Variants in SLC1A3 observed in about 807,000 individuals in gnomAD.
SLC1A3 encodes the protein solute carrier family 1 member 3.
Under a neutral mutation model 48.1 loss-of-function variants are expected in SLC1A3, and 21 were observed. The observed-to-expected ratio is 0.44, with a 90% CI of 0.31 to 0.63. SLC1A3 has a LOEUF of 0.63. Ranked by LOEUF, SLC1A3 falls within the 20% of genes least tolerant of loss-of-function variation. The pLI, the probability that SLC1A3 is intolerant of heterozygous loss-of-function variation, is 0.08. For synonymous variants in SLC1A3, 239 were observed against 251.4 expected (o/e 0.95, Z 0.47); for missense variants, 546 against 689.0 (o/e 0.79, Z 2.32).
chr5:36,610,529 G>A (rs536575833), intron 2 of SLC1A3, among the ~76,000 whole-genome samples: 2 of 152,292 alleles, frequency 1.3e-5, no homozygotes, highest in South Asian at 2.1e-4. Context: ...TTCTAAGACA[G>A]AAATGTTTCC....
chr5:36,678,675 C>T (rs142129072), intron 6 of SLC1A3, among the ~76,000 whole-genome samples: 1 of 152,254 alleles, frequency 6.6e-6, no homozygotes. Flanking sequence ...GTTTGCTGCA[C>T]ATATGAAACA....
At chr5:36,643,183 A>T (rs1029673595) in intron 3 of SLC1A3, among the ~76,000 whole-genome samples, 1 of 152,190 alleles carries the variant, frequency 6.6e-6, no homozygotes, top group East Asian at 1.9e-4. Flanking sequence ...TTAGGAATAG[A>T]ATTGCTGGGT....
intron 3 of SLC1A3, among the ~76,000 whole-genome samples, chr5:36,646,996 A>G (rs921463728): frequency 6.6e-6 from 1 of 152,242 alleles, no homozygotes; most frequent in Non-Finnish European, 1.5e-5. Flanking sequence ...CTTCTGGGGT[A>G]TAAAGGTCAG....
At chr5:36,658,489 A>G (rs1392730279) in intron 3 of SLC1A3, among the ~76,000 whole-genome samples, 1 of 152,224 alleles carries the variant, frequency 6.6e-6, no homozygotes, top group African/African-American at 2.4e-5. Context: ...GTCTATAGAA[A>G]AGAAGACCGA....
chr5:36,597,294 T>C (rs913340350), intron 1 of SLC1A3, among the ~76,000 whole-genome samples: 1 of 118,412 alleles, frequency 8.4e-6, no homozygotes, highest in African/African-American at 3.2e-5. Flanking sequence ...TCGCCCAGGC[T>C]AGAGTGCAGT....
Position 36,608,401 on chromosome 5 carries a change from A to T in SLC1A3, c.-23A>T. The T allele has an allele frequency of 6.2e-7, 1 of 1,612,580 alleles. No homozygotes were observed. Among genetic ancestry groups the T allele is most frequent in the Non-Finnish European group, 8.5e-7 (1 of 1,178,950 alleles). On this transcript the variant is annotated 5_prime_UTR_variant, in exon 2 of 10. Transcript: ENST00000265113. ...TCCCAGACACTGAAGTGCAAAGAAG[A>T]GACCCTCCTAGAAAAGTAAAATATG...
chr5:36,644,530 A>G (rs1234436260), intron 3 of SLC1A3, among the ~76,000 whole-genome samples: 1 of 152,242 alleles, frequency 6.6e-6, no homozygotes, highest in African/African-American at 2.4e-5. Flanking sequence ...TATGCTTAAC[A>G]CTATTGAACT....
At position 36,621,312 on chromosome 5, in the gene SLC1A3, A is replaced by C. The variant is rs149285302; in HGVS notation, c.182-8138A>C. Among the ~76,000 whole-genome samples, 332 of 152,300 alleles carry C rather than the reference A, an allele frequency of 2.2e-3. 2 individuals are homozygous for C. Among genetic ancestry groups the C allele is most frequent in the African/African-American group, 7.8e-3 (323 of 41,566 alleles). On this transcript the variant is annotated intron_variant, in intron 2 of 9. Transcript: ENST00000265113. ...ATAAAGGGGGATCCTGTCTAAGATG[A>C]TGGAGAAATGACAAGGAGGGAAGTG...
At chr5:36,603,900 T>C (rs1258166177), upstream of SLC1A3, among the ~76,000 whole-genome samples, 1 of 152,240 alleles carries the variant, frequency 6.6e-6, no homozygotes, top group Non-Finnish European at 1.5e-5. Context: ...AAAGGTTTTC[T>C]AATCCATTTT....
chr5:36,609,941 T>C (rs1172652348), intron 2 of SLC1A3, among the ~76,000 whole-genome samples: 3 of 152,208 alleles, frequency 2.0e-5, no homozygotes, highest in Non-Finnish European at 4.4e-5. Flanking sequence ...TGCATAATAA[T>C]AATTGCAAAC....
At chr5:36,671,806 C>G (rs1031659301) in intron 4 of SLC1A3, among the ~76,000 whole-genome samples, 1 of 152,194 alleles carries the variant, frequency 6.6e-6, no homozygotes, top group African/African-American at 2.4e-5. Flanking sequence ...GTTTTACATA[C>G]AAACCATACG....
chr5:36,681,112 G>A (rs916695418), intron 8 of SLC1A3, among the ~76,000 whole-genome samples: 1 of 152,132 alleles, frequency 6.6e-6, no homozygotes, highest in African/African-American at 2.4e-5. Context: ...AAAGTAAAAA[G>A]GGAAACTTGC....
chr5:36,678,487 G>A (rs932177014), intron 6 of SLC1A3, among the ~76,000 whole-genome samples: 2 of 152,198 alleles, frequency 1.3e-5, no homozygotes, highest in Non-Finnish European at 2.9e-5. Context: ...ATTCAACGCT[G>A]AGTTATTATA....
Position 36,630,979 on chromosome 5 carries a change from C to T in SLC1A3, c.319+1392C>T, listed in dbSNP as rs79642419. On this transcript the variant is annotated intron_variant, in intron 3 of 9. Coordinates refer to ENST00000265113, the MANE Select transcript of SLC1A3 (RefSeq NM_004172.5). ...CTATATTCATGCTGACATGAGGGCA[C>T]ATGCTTATTTTATTATCCATATGCT... Among the ~76,000 whole-genome samples the T allele has an allele frequency of 6.8e-3, 1,030 of 152,308 alleles. 16 individuals carry two copies. Among genetic ancestry groups the T allele is most frequent in the African/African-American group, 0.024 (980 of 41,556 alleles).
chr5:36,644,057 A>ATAAT (rs1306611607), intron 3 of SLC1A3, among the ~76,000 whole-genome samples: 1 of 151,240 alleles, frequency 6.6e-6, no homozygotes, highest in African/African-American at 2.4e-5. Context: ...AAATAAATAA[A>ATAAT]TTGCAATGTG....
At chr5:36,657,497 C>T (rs10941309) in intron 3 of SLC1A3, among the ~76,000 whole-genome samples, 38,990 of 152,056 alleles carry the variant, frequency 0.26, 6,090 homozygotes, top group Non-Finnish European at 0.35. Flanking sequence ...CCCTTATGTA[C>T]TTTTCTAAAA....
chr5:36,635,006 A>G (rs1201091743), intron 3 of SLC1A3, among the ~76,000 whole-genome samples: 1 of 152,214 alleles, frequency 6.6e-6, no homozygotes, highest in East Asian at 1.9e-4. Context: ...AGGGCTTGCA[A>G]AATGAGTCGA....
chr5:36,612,399 G>C (rs1739239161), intron 2 of SLC1A3, among the ~76,000 whole-genome samples: 1 of 152,076 alleles, frequency 6.6e-6, no homozygotes. Flanking sequence ...GGGTAACATA[G>C]TAAGTTCTCA....
At chr5:36,676,755 G>A in intron 5 of SLC1A3, 137 bp from the exon 6 acceptor site, 3 of 680,694 alleles carry the variant, frequency 4.4e-6, no homozygotes, top group Non-Finnish European at 7.3e-6. Flanking sequence ...AAGAGAGAGA[G>A]AGACTTTCTA....
Sources: allele counts gnomAD v4.1 joint callset (sites outside exome capture counted in the v4.1 genomes callset), GRCh38; gene constraint gnomAD v4.1.1; transcripts MANE v1.5; gene names NCBI Gene and HGNC (gene_info 2026-07-23, HGNC 2026-07-21).